The following SGTB variants were observed in gnomAD, a reference collection of about 807,000 sequenced individuals.
SGTB encodes the protein small glutamine-rich tetratricopeptide repeat-containing protein beta.
In SGTB, 19 loss-of-function variants were observed where a neutral mutation model predicts 43.9. The observed-to-expected ratio is 0.43, with a 90% confidence interval of 0.30 to 0.63. SGTB has a LOEUF of 0.63. Among genes scored for constraint, SGTB ranks in the 30% least tolerant of loss-of-function variants. SGTB has a pLI of 0.12. For missense variants in SGTB, 304 were observed against 358.9 expected, an observed-to-expected ratio of 0.85 and a Z score of 1.24; for synonymous variants, 116 against 117.3, an observed-to-expected ratio of 0.99 and a Z score of 0.07.
intron 5 of SGTB, among the ~76,000 whole-genome samples, chr5:65,700,262 A>G (rs1757786757): frequency 6.6e-6 from 1 of 152,258 alleles, no homozygotes; most frequent in Non-Finnish European, 1.5e-5. Flanking sequence ...GTGAAGGTAC[A>G]GGACTTAAAG....
At position 65,704,049 on chromosome 5, in the gene SGTB, A is replaced by AAAAAAT. The variant is rs1554025721; in HGVS notation, c.374+229_374+230insATTTTT. Among the ~76,000 whole-genome samples the AAAAAAT allele has an allele frequency of 6.1e-3, 848 of 139,598 alleles. 11 individuals are homozygous for AAAAAAT. Among genetic ancestry groups the AAAAAAT allele is most frequent in the South Asian group, 0.016 (71 of 4,334 alleles). The allele number at this position is 139,598 out of a possible 152,430, so 91.6% of individuals were successfully genotyped here. Reference sequence around the variant, plus strand: ...AGACTCCGTCTCAAAAAAAAAAAAAAAAATAAATAAATAAATAAATAAATA... The same window carrying AAAAAAT: ...AGACTCCGTCTCAAAAAAAAAAAAAAAAAAATAAATAAATAAATAAATAAATAAATA... On this transcript the variant is annotated intron_variant, in intron 5 of 10. Coordinates refer to ENST00000381007, the MANE Select transcript of SGTB (RefSeq NM_019072.3).
chr5:65,719,213 A>C (rs1343774581), intron 2 of SGTB, among the ~76,000 whole-genome samples: 1 of 152,190 alleles, frequency 6.6e-6, no homozygotes, highest in African/African-American at 2.4e-5. Context: ...TGCTTGTTGA[A>C]ATTATAGAAG....
At position 65,670,253 on chromosome 5, in the gene SGTB, T is replaced by C; in HGVS notation, c.908A>G (p.His303Arg). The C allele has an allele frequency of 6.2e-7, 1 of 1,613,992 alleles. No individual in the cohort carries two copies. Among genetic ancestry groups the C allele is most frequent in the Non-Finnish European group, 8.5e-7 (1 of 1,179,852 alleles). The stretch of plus-strand genomic sequence containing the variant: ...CTTGAGCCCCTGGTTAAATCAGGAA[T>C]GCTCTTCAGCGCTGCTGCTGAATGA... ...SRSFSSSAEEHS is the reference protein window; with the variant it reads ...SRSFSSSAEERS The change falls in exon 11 of 11, where the codon CAT becomes CGT. Residue 303 changes from histidine to arginine, a missense_variant. His to Arg is a conservative substitution (Grantham distance 29, BLOSUM62 0). Coordinates refer to ENST00000381007, the MANE Select transcript of SGTB (RefSeq NM_019072.3).
At chr5:65,716,857 G>A (rs780103963) in intron 2 of SGTB, among the ~76,000 whole-genome samples, 5 of 152,024 alleles carry the variant, frequency 3.3e-5, no homozygotes, top group Non-Finnish European at 5.9e-5. Flanking sequence ...CTAAGAAGCC[G>A]AATGATATCA....
Position 65,720,749 on chromosome 5 carries a change from TG to T in SGTB, c.58del (p.Gln20ArgfsTer33), listed in dbSNP as rs761729303. On this transcript the variant is annotated frameshift_variant, in exon 2 of 11. Coordinates refer to ENST00000381007, the MANE Select transcript of SGTB (RefSeq NM_019072.3). LOFTEE classifies it high-confidence loss of function. ...AVIRFLREQS[Q>X]MDTYTSDEQE... ...TTCATCCGAGGTGTAAGTGTCCATC[TG>T]ACTTTGTTCCCGTAAGAAACGAATA... is the stretch of plus-strand genomic sequence containing the variant. 6.2e-7 allele frequency: 1 copy of T among 1,614,064 alleles called. No individual in the cohort carries two copies. Among genetic ancestry groups the T allele is most frequent in the East Asian group, 2.2e-5 (1 of 44,838 alleles).
At chr5:65,670,828 T>C (rs991237781) in intron 10 of SGTB, among the ~76,000 whole-genome samples, 1 of 152,212 alleles carries the variant, frequency 6.6e-6, no homozygotes, top group African/African-American at 2.4e-5. Context: ...GATGTCATTA[T>C]ATGCCATTTA....
At chr5:65,689,459 T>A (rs566557950) in intron 5 of SGTB, among the ~76,000 whole-genome samples, 1 of 152,332 alleles carries the variant, frequency 6.6e-6, no homozygotes, top group South Asian at 2.1e-4. Flanking sequence ...AAAGTTTCCA[T>A]AATGTCTCCT....
chr5:65,722,062 A>C lies in SGTB; in HGVS notation c.-168T>G, dbSNP rs1758305543. ...CAAACTTCCCCGGCCCCTAGGCCGT[A>C]GACCCCAGAACCCACCAGGCTGTGC... On this transcript the variant is annotated 5_prime_UTR_variant, in exon 1 of 11. Coordinates refer to ENST00000381007, the MANE Select transcript of SGTB (RefSeq NM_019072.3). 1 of 160,214 alleles carries C rather than the reference A, an allele frequency of 6.2e-6. No individual in the cohort carries two copies. The allele number at this position is 160,214 out of a possible 1,614,324, so 9.9% of individuals were successfully genotyped here.
upstream of SGTB, chr5:65,722,738 C>G: frequency 2.7e-6 from 1 of 370,172 alleles, no homozygotes. Context: ...ACGTTCAATC[C>G]CAATGCAGAA....
chr5:65,696,676 A>G, intron 5 of SGTB, among the ~76,000 whole-genome samples: 1 of 152,260 alleles, frequency 6.6e-6, no homozygotes, highest in Non-Finnish European at 1.5e-5. Flanking sequence ...AGAACGTATG[A>G]TAAGCATACG....
chr5:65,707,446 T>G (rs1218390347), intron 4 of SGTB, among the ~76,000 whole-genome samples: 1 of 148,920 alleles, frequency 6.7e-6, no homozygotes, highest in Non-Finnish European at 1.5e-5. Flanking sequence ...ATATATTTTT[T>G]TTTTTTTGAG....
chr5:65,673,575 A>T (rs1226805408), intron 8 of SGTB, among the ~76,000 whole-genome samples: 1 of 151,908 alleles, frequency 6.6e-6, no homozygotes, highest in East Asian at 1.9e-4. Context: ...CCTACCCCCT[A>T]CACCCGGTAT....
chr5:65,670,189 A>C lies in SGTB; in HGVS notation c.*57T>G. On this transcript the variant is annotated 3_prime_UTR_variant, in exon 11 of 11. Coordinates refer to ENST00000381007, the MANE Select transcript of SGTB (RefSeq NM_019072.3). ...GAGGGAGGGGGTACTATCTACAACA[A>C]ATACTTCATTCATAGCCATAAACCA... 1 of 1,519,084 alleles carries C rather than the reference A, an allele frequency of 6.6e-7. No homozygotes were observed. Among genetic ancestry groups the C allele is most frequent in the Non-Finnish European group, 9.1e-7 (1 of 1,097,922 alleles). The allele number at this position is 1,519,084 out of a possible 1,614,324, so 94.1% of individuals were successfully genotyped here. A position where few individuals can be genotyped will look rare whatever the true frequency, so the allele number is the denominator to read the frequency against.
intron 3 of SGTB, 137 bp downstream of exon 3, chr5:65,712,824 T>C: frequency 9.9e-6 from 5 of 503,394 alleles, no homozygotes; most frequent in South Asian, 4.4e-5. Context: ...CCCAATTATA[T>C]CCATATAGAC....
At chr5:65,711,947 T>C (rs1033321093) in intron 3 of SGTB, among the ~76,000 whole-genome samples, 3 of 152,142 alleles carry the variant, frequency 2.0e-5, no homozygotes, top group South Asian at 2.1e-4. Context: ...GGCACCACAA[T>C]GTCATAAAGA....
chr5:65,712,491 A>C (rs1394683345), intron 3 of SGTB, among the ~76,000 whole-genome samples: 1 of 152,236 alleles, frequency 6.6e-6, no homozygotes, highest in African/African-American at 2.4e-5. Flanking sequence ...TGTTTTAAGG[A>C]GCCCCATCAA....
intron 6 of SGTB, among the ~76,000 whole-genome samples, chr5:65,683,574 A>G (rs2150707806): frequency 6.6e-6 from 1 of 152,324 alleles, no homozygotes; most frequent in East Asian, 1.9e-4. Flanking sequence ...AGAGAGGAAG[A>G]ACAAGCAAGG....
intron 5 of SGTB, among the ~76,000 whole-genome samples, chr5:65,691,490 C>T (rs1429560505): frequency 1.3e-5 from 2 of 151,890 alleles, no homozygotes; most frequent in East Asian, 2.0e-4. Flanking sequence ...GCACACCCAG[C>T]TGTTTTTTGT....
chr5:65,701,835 G>A (rs1374947177), intron 5 of SGTB, among the ~76,000 whole-genome samples: 2 of 151,984 alleles, frequency 1.3e-5, no homozygotes, highest in Non-Finnish European at 2.9e-5. Flanking sequence ...GGGTTTCACT[G>A]TGTTAGCCAG....
Sources: allele counts gnomAD v4.1 joint callset (sites outside exome capture counted in the v4.1 genomes callset), GRCh38; gene constraint gnomAD v4.1.1; transcripts MANE v1.5; gene names NCBI Gene and HGNC (gene_info 2026-07-23, HGNC 2026-07-21).